Variants in RAI14 observed in about 807,000 individuals in gnomAD.
RAI14 encodes retinoic acid induced 14, also known as ankycorbin.
A neutral mutation model predicts 115.4 loss-of-function variants in RAI14; 45 were observed. That is an observed-to-expected ratio of 0.39 (90% CI 0.31 to 0.50). RAI14 has a LOEUF of 0.50. Ranked by LOEUF, RAI14 falls within the 20% of genes least tolerant of loss-of-function variation. RAI14 has a pLI of 0.85. For missense variants in RAI14, 939 were observed against 1,131.2 expected (o/e 0.83, Z 2.44); for synonymous variants, 371 against 415.4 (o/e 0.89, Z 1.30).
chr5:34,777,311 C>T (rs1750985931), intron 3 of RAI14, among the ~76,000 whole-genome samples: 1 of 152,056 alleles, frequency 6.6e-6, no homozygotes, highest in Non-Finnish European at 1.5e-5. Flanking sequence ...AAATGTGGTA[C>T]CATATACACA....
chr5:34,728,375 CA>C (rs1305489971), intron 2 of RAI14, among the ~76,000 whole-genome samples: 3 of 152,078 alleles, frequency 2.0e-5, no homozygotes, highest in South Asian at 2.1e-4. Context: ...TGGGAGGGGC[CA>C]GGGGCAGATT....
chr5:34,677,358 T>C (rs1180104076), intron 1 of RAI14, among the ~76,000 whole-genome samples: 1 of 151,958 alleles, frequency 6.6e-6, no homozygotes, highest in African/African-American at 2.4e-5. Flanking sequence ...GAGACGAGGT[T>C]TTGCCATGTT....
chr5:34,738,412 C>G (rs1260555529), intron 2 of RAI14, among the ~76,000 whole-genome samples: 1 of 152,184 alleles, frequency 6.6e-6, no homozygotes, highest in Non-Finnish European at 1.5e-5. Flanking sequence ...TTGGAGGTGA[C>G]TGCCAGATGC....
chr5:34,758,478 GGTGATCCCA>G (rs1748192194), intron 3 of RAI14, among the ~76,000 whole-genome samples: 1 of 152,036 alleles, frequency 6.6e-6, no homozygotes, highest in African/African-American at 2.4e-5. Flanking sequence ...TTCTATAGCC[GGTGATCCCA>G]GGAAGCGTAA....
Position 34,792,424 on chromosome 5 carries a change from C to T in RAI14, c.168-3515C>T, listed in dbSNP as rs112380968. ...AATTTTTTTGTATTTTTAGTACAGA[C>T]GGGGTTTCACTGTGTTAGCCAGGAT... On this transcript the variant is annotated intron_variant, in intron 3 of 17. Transcript: ENST00000265109. 1.9e-3 allele frequency among the ~76,000 whole-genome samples: 287 copies of T among 152,040 alleles called. 1 individual carries two copies. Among genetic ancestry groups the T allele is most frequent in the African/African-American group, 6.8e-3 (284 of 41,488 alleles).
At chr5:34,754,558 G>T (rs1011152105) in intron 2 of RAI14, among the ~76,000 whole-genome samples, 3 of 131,406 alleles carry the variant, frequency 2.3e-5, no homozygotes, top group Non-Finnish European at 5.5e-5. Flanking sequence ...TCCCAACCTA[G>T]CTCTGCTTAC....
chr5:34,828,850 T>TAGCTA, intron 16 of RAI14, among the ~76,000 whole-genome samples: 3 of 152,292 alleles, frequency 2.0e-5, no homozygotes, highest in African/African-American at 7.2e-5. Flanking sequence ...GATAGCTAAA[T>TAGCTA]AATTGAGCTC....
In RAI14 at chr5:34,746,179, C is replaced by T. The variant is rs543610175; in HGVS notation, c.37-11289C>T. 2.7e-5 allele frequency among the ~76,000 whole-genome samples: 4 copies of T among 148,166 alleles called. No homozygotes were observed. The East Asian group carries it at 8.2e-4, about 30-fold the overall frequency. ...GGAGTGCAGCTGCGCGATCCTGGCT[C>T]ACTGCAAGCTCCGCCTCCCGGGTTC... On this transcript the variant is annotated intron_variant, in intron 2 of 17. Transcript: ENST00000265109.
chr5:34,813,525 A>G, intron 10 of RAI14, 49 bp from the exon 11 acceptor site: 3 of 1,387,786 alleles, frequency 2.2e-6, no homozygotes, highest in Non-Finnish European at 3.1e-6. Flanking sequence ...CCCAGACTTT[A>G]CTAACCAAAC....
At chr5:34,680,281 A>C (rs1373921282) in intron 1 of RAI14, among the ~76,000 whole-genome samples, 1 of 152,190 alleles carries the variant, frequency 6.6e-6, no homozygotes, top group Non-Finnish European at 1.5e-5. Flanking sequence ...TACAGAGAAA[A>C]GAAGCTTATT....
chr5:34,757,374 A>G, intron 2 of RAI14, 94 bp from the exon 3 acceptor site: 1 of 1,383,678 alleles, frequency 7.2e-7, no homozygotes, highest in Non-Finnish European at 1.0e-6. Context: ...TTTGAGTGAC[A>G]GGAGGGTGGG....
chr5:34,688,667 G>A (rs1738180819), intron 2 of RAI14, among the ~76,000 whole-genome samples: 1 of 152,162 alleles, frequency 6.6e-6, no homozygotes, highest in African/African-American at 2.4e-5. Context: ...GCCTGGGGAG[G>A]AGGAAATTGG....
chr5:34,796,672 C>T (rs1457052989), intron 4 of RAI14, among the ~76,000 whole-genome samples: 1 of 152,086 alleles, frequency 6.6e-6, no homozygotes, highest in African/African-American at 2.4e-5. Flanking sequence ...TACTCAGGAG[C>T]TCATTTCATC....
At chr5:34,737,195 G>C (rs769401620) in intron 2 of RAI14, among the ~76,000 whole-genome samples, 2 of 152,092 alleles carry the variant, frequency 1.3e-5, no homozygotes, top group Non-Finnish European at 2.9e-5. Context: ...AAAATGGTTG[G>C]TACAGCCAGG....
chr5:34,722,713 T>G (rs889822525), intron 2 of RAI14, among the ~76,000 whole-genome samples: 3 of 148,890 alleles, frequency 2.0e-5, no homozygotes, highest in African/African-American at 7.5e-5. Flanking sequence ...GGGTGTGGTG[T>G]TGTGCTCTTG....
In RAI14 at chr5:34,803,732, G is replaced by A. The variant is rs774736280; in HGVS notation, c.277G>A (p.Ala93Thr). The A allele has an allele frequency of 3.0e-5, 49 of 1,611,192 alleles. 1 individual carries two copies. Among genetic ancestry groups the A allele is most frequent in the South Asian group, 4.4e-5 (4 of 90,372 alleles). The change falls in exon 5 of 18, where the codon GCA becomes ACA. Residue 93 changes from alanine to threonine, a missense_variant. Ala to Thr is a moderately conservative substitution (Grantham distance 58, BLOSUM62 0). Transcript: ENST00000265109. ...TTTAGGACACAGCGCCTTACATCTC[G>A]CAGCCAAGAACAGCCACCATGAATG... The part of the protein sequence containing the change: ...DTTGHSALHL[A>T]AKNSHHECIR...
chr5:34,742,999 TG>T (rs1162513055), intron 2 of RAI14, among the ~76,000 whole-genome samples: 1 of 152,150 alleles, frequency 6.6e-6, no homozygotes, highest in African/African-American at 2.4e-5. Flanking sequence ...CACCACCCGG[TG>T]ATTTTGAACA....
At chr5:34,677,869 A>C (rs559979126) in intron 1 of RAI14, among the ~76,000 whole-genome samples, 1 of 152,176 alleles carries the variant, frequency 6.6e-6, no homozygotes, top group Non-Finnish European at 1.5e-5. Context: ...TTGTTATTTT[A>C]ATGGCAAAAA....
chr5:34,829,140 T>TAC (rs35720177), intron 16 of RAI14, among the ~76,000 whole-genome samples: 15 of 151,100 alleles, frequency 9.9e-5, no homozygotes, highest in South Asian at 2.1e-4. Flanking sequence ...TATACATATA[T>TAC]ACACACATAT....
Sources: allele counts gnomAD v4.1 joint callset (sites outside exome capture counted in the v4.1 genomes callset), GRCh38; gene constraint gnomAD v4.1.1; transcripts MANE v1.5; gene names NCBI Gene and HGNC (gene_info 2026-07-23, HGNC 2026-07-21).